Variants in SREK1 observed in about 807,000 individuals in gnomAD.
SREK1 encodes splicing regulatory glutamic acid and lysine rich protein 1, also known as splicing regulatory glutamine/lysine-rich protein 1.
SREK1 carries 13 observed loss-of-function variants against 66.5 expected under a neutral mutation model. That is an observed-to-expected ratio of 0.20 (90% confidence interval 0.13 to 0.31). SREK1 has a LOEUF of 0.31. Ranked by LOEUF, SREK1 falls within the 10% of genes least tolerant of loss-of-function variation. The pLI is 1.00. For synonymous variants in SREK1, 265 were observed against 263.5 expected (o/e 1.01, Z -0.05); for missense variants, 607 against 769.6 (o/e 0.79, Z 2.50).
rs936723161 is a variant in SREK1, at chr5:66,155,375, C to G, written c.295+1779C>G. Among the ~76,000 whole-genome samples, 5 of 152,206 alleles carry G rather than the reference C, an allele frequency of 3.3e-5. No homozygotes were observed. The East Asian group carries it at 7.7e-4, about 24-fold the overall frequency. On this transcript the variant is annotated intron_variant, in intron 2 of 11. Transcript: ENST00000334121. ...GGTATTGGTGAAACATTCAGATATA[C>G]GTTTTTCATTAGTTGTATTAAATAC...
intron 3 of SREK1, 28 bp downstream of exon 3, chr5:66,159,362 G>A (rs1214360899): frequency 6.4e-7 from 1 of 1,564,544 alleles, no homozygotes; most frequent in African/African-American, 1.4e-5. Flanking sequence ...GCTTATGAAA[G>A]AGGTGAATGT....
At chr5:66,157,640 T>C (rs1744403210) in intron 2 of SREK1, 2 of 970,694 alleles carry the variant, frequency 2.1e-6, no homozygotes, top group South Asian at 4.8e-5. Context: ...TTATTTGATG[T>C]TTTCAGTAAG....
chr5:66,167,194 T>TA (rs1745248088), intron 7 of SREK1: 2 of 152,270 alleles, frequency 1.3e-5, no homozygotes, highest in South Asian at 2.1e-4. Flanking sequence ...TTCCGCTTCT[T>TA]ATGGTTAGAG....
chr5:66,167,294 A>G (rs761779320), intron 7 of SREK1: 1 of 152,116 alleles, frequency 6.6e-6, no homozygotes, highest in African/African-American at 2.4e-5. Flanking sequence ...TGTTTTATTT[A>G]TTGAGACATA....
In SREK1 at chr5:66,144,705, T is replaced by C; in HGVS notation, c.161+168T>C. 9 of 1,323,142 alleles carry C rather than the reference T, an allele frequency of 6.8e-6. No individual in the cohort carries two copies. The South Asian group carries it at 1.3e-4, about 18-fold the overall frequency. The allele number at this position is 1,323,142 out of a possible 1,614,324, so 82.0% of individuals were successfully genotyped here. Reference sequence around the variant, plus strand: ...GGGCACCCGGGTTCCGCCGTCCTGCTCTCCTTAGTCGGATTTGGGGGGTTA... The same window carrying C: ...GGGCACCCGGGTTCCGCCGTCCTGCCCTCCTTAGTCGGATTTGGGGGGTTA... On this transcript the variant is annotated intron_variant, in intron 1 of 11. Coordinates refer to ENST00000334121, the MANE Select transcript of SREK1 (RefSeq NM_001077199.3).
chr5:66,144,341 G>T lies in SREK1; in HGVS notation c.-36G>T. ...GCTCCGTCGCTGACGCGTCGTAGAC[G>T]TTGGGGAGCGGGAAGGCAACGGCAG... On this transcript the variant is annotated 5_prime_UTR_variant, in exon 1 of 12. Coordinates refer to ENST00000334121, the MANE Select transcript of SREK1 (RefSeq NM_001077199.3). 1 of 1,494,724 alleles carries T rather than the reference G, an allele frequency of 6.7e-7. No homozygotes were observed. Among genetic ancestry groups the T allele is most frequent in the African/African-American group, 1.4e-5 (1 of 71,284 alleles). 92.6% of individuals were successfully genotyped at this position (1,494,724 alleles called of 1,614,324 possible). A position where few individuals can be genotyped will look rare whatever the true frequency, so the allele number is the denominator to read the frequency against.
Position 66,179,855 on chromosome 5 carries a change from A to G in SREK1, c.*987A>G, listed in dbSNP as rs1372230542. 1 of 152,556 alleles carries G rather than the reference A, an allele frequency of 6.6e-6. No individual in the cohort carries two copies. The highest frequency in any genetic ancestry group is 6.6e-5 in the Admixed American group (1 of 15,260). The allele number at this position is 152,556 out of a possible 1,614,324, so 9.5% of individuals were successfully genotyped here. A position where few individuals can be genotyped will look rare whatever the true frequency, so the allele number is the denominator to read the frequency against. ...CTAGATGGATATTTCATGCATACCC[A>G]TAGAGAAGTGTGTAAGTGATATGTC... On this transcript the variant is annotated 3_prime_UTR_variant, in exon 12 of 12. Transcript: ENST00000334121.
chr5:66,173,771 A>G (rs921326306), intron 9 of SREK1, among the ~76,000 whole-genome samples: 2 of 152,246 alleles, frequency 1.3e-5, no homozygotes, highest in African/African-American at 2.4e-5. Flanking sequence ...CATGCTTTGA[A>G]AAAAGTATTT....
chr5:66,160,111 CAGAG>C (rs1358031834), intron 3 of SREK1, among the ~76,000 whole-genome samples: 1 of 148,726 alleles, frequency 6.7e-6, no homozygotes, highest in African/African-American at 2.5e-5. Flanking sequence ...GCCTGGGCGA[CAGAG>C]GGAGAGTCTC....
chr5:66,170,497 T>G (rs576698055), intron 8 of SREK1, 88 bp from the exon 9 acceptor site: 1 of 1,439,314 alleles, frequency 6.9e-7, no homozygotes, highest in African/African-American at 1.4e-5. Context: ...TAAATTGTCT[T>G]GTGTTGGTAA....
At chr5:66,164,748 T>G in intron 6 of SREK1, 35 bp from the exon 7 acceptor site, 1 of 1,613,698 alleles carries the variant, frequency 6.2e-7, no homozygotes, top group South Asian at 1.1e-5. Context: ...TTAATTGTTC[T>G]GAGCTTACAC....
At chr5:66,152,224 A>G (rs934822177) in intron 1 of SREK1, among the ~76,000 whole-genome samples, 5 of 152,180 alleles carry the variant, frequency 3.3e-5, no homozygotes, top group Admixed American at 2.6e-4. Context: ...TAAGTTCTAA[A>G]TGCAGATTCA....
intron 2 of SREK1, among the ~76,000 whole-genome samples, chr5:66,155,484 G>A (rs1232240675): frequency 6.6e-6 from 1 of 152,194 alleles, no homozygotes; most frequent in Non-Finnish European, 1.5e-5. Context: ...AAGAAATAGT[G>A]CATTATTGTA....
At chr5:66,156,882 A>G (rs1744328689) in intron 2 of SREK1, 1 of 974,614 alleles carries the variant, frequency 1.0e-6, no homozygotes, top group Non-Finnish European at 1.2e-6. Context: ...TAGCTTCTAA[A>G]TGGATTCTGA....
intron 7 of SREK1, chr5:66,167,110 T>C (rs1010154872): frequency 2.0e-5 from 3 of 152,122 alleles, no homozygotes; most frequent in African/African-American, 7.2e-5. Flanking sequence ...CCTTCTACTT[T>C]TTCACCATTT....
chr5:66,169,920 T>G, intron 7 of SREK1, 131 bp from the exon 8 acceptor site: 1 of 632,144 alleles, frequency 1.6e-6, no homozygotes. Flanking sequence ...GTATTTCAGA[T>G]TATGTAACTA....
rs2112126752 is a variant in SREK1, at chr5:66,180,281, A to C, written c.*1413A>C. ...CCAGTACTATAACTTGTGGTTTCTGAACTCATTATTGTTGTATTTCCAAAA... is the reference window on the plus strand; with the variant it reads ...CCAGTACTATAACTTGTGGTTTCTGCACTCATTATTGTTGTATTTCCAAAA... On this transcript the variant is annotated 3_prime_UTR_variant, in exon 12 of 12. Coordinates refer to ENST00000334121, the MANE Select transcript of SREK1 (RefSeq NM_001077199.3). 1 of 152,714 alleles carries C rather than the reference A, an allele frequency of 6.5e-6. No individual in the cohort carries two copies. Among genetic ancestry groups the C allele is most frequent in the Middle Eastern group, 3.4e-3 (1 of 294 alleles). 9.5% of individuals were successfully genotyped at this position (152,714 alleles called of 1,614,324 possible). A position where few individuals can be genotyped will look rare whatever the true frequency, so the allele number is the denominator to read the frequency against.
intron 1 of SREK1, chr5:66,144,847 G>T (rs1458734650): frequency 9.3e-7 from 1 of 1,069,902 alleles, no homozygotes; most frequent in Non-Finnish European, 1.1e-6. Flanking sequence ...ATTTCCCCCC[G>T]AACTTAAGAT....
chr5:66,156,473 T>C, intron 2 of SREK1: 1 of 1,015,988 alleles, frequency 9.8e-7, no homozygotes, highest in Non-Finnish European at 1.2e-6. Context: ...ATTGTGAGTC[T>C]TAATTTGTGT....
Sources: gnomAD v4.1 joint callset for allele counts (sites outside exome capture counted in the v4.1 genomes callset) on GRCh38, gnomAD v4.1.1 for gene constraint, MANE v1.5 for transcripts, NCBI Gene and HGNC (gene_info 2026-07-23, HGNC 2026-07-21) for gene names.